The following AFG2A variants were observed in gnomAD, a reference collection of about 807,000 sequenced individuals.
AFG2A encodes the protein ATPase family gene 2 protein homolog A.
chr4:123,291,674 A>C, the AFG2A span, among the ~76,000 whole-genome samples: 13 of 152,204 alleles, frequency 8.5e-5, no homozygotes, highest in Non-Finnish European at 2.9e-5. Context: ...TGAGAAGATT[A>C]AAGATAGGAC....
chr4:123,207,306 T>TG, the AFG2A span, among the ~76,000 whole-genome samples: 2 of 145,278 alleles, frequency 1.4e-5, no homozygotes, highest in Non-Finnish European at 3.0e-5. Flanking sequence ...TTTTTTTTTT[T>TG]GTGAGACACG....
At chr4:122,930,929 T>C in the AFG2A span, among the ~76,000 whole-genome samples, 4 of 111,974 alleles carry the variant, frequency 3.6e-5, no homozygotes, top group Non-Finnish European at 8.6e-5. Context: ...AAATCTTATG[T>C]TTTAAAAAAT....
chr4:122,937,626 TTTG>T, the AFG2A span, among the ~76,000 whole-genome samples: 1 of 152,208 alleles, frequency 6.6e-6, no homozygotes, highest in Non-Finnish European at 1.5e-5. Context: ...TTAGTATGCT[TTTG>T]TTGTTGTTGT....
At chr4:123,213,336 C>G in the AFG2A span, among the ~76,000 whole-genome samples, 2 of 152,056 alleles carry the variant, frequency 1.3e-5, no homozygotes, top group East Asian at 3.8e-4. Context: ...CATACATGCT[C>G]ATGGAAACAC....
the AFG2A span, among the ~76,000 whole-genome samples, chr4:123,141,835 C>T: frequency 6.6e-6 from 1 of 152,072 alleles, no homozygotes; most frequent in African/African-American, 2.4e-5. Flanking sequence ...AGATGATTTG[C>T]AAACATTTTC....
chr4:123,258,428 C>A, the AFG2A span, among the ~76,000 whole-genome samples: 4 of 152,284 alleles, frequency 2.6e-5, no homozygotes, highest in Non-Finnish European at 5.9e-5. Flanking sequence ...ACAGAACCTT[C>A]TACATGGTGT....
At chr4:123,113,841 C>G in the AFG2A span, among the ~76,000 whole-genome samples, 27 of 152,194 alleles carry the variant, frequency 1.8e-4, no homozygotes, top group African/African-American at 6.3e-4. Flanking sequence ...TAGAAAAGCT[C>G]AGAAGAGGCC....
chr4:123,306,392 GC>G, the AFG2A span, among the ~76,000 whole-genome samples: 7 of 152,222 alleles, frequency 4.6e-5, no homozygotes, highest in East Asian at 1.3e-3. Flanking sequence ...TAGTGTCATA[GC>G]CACTGAAACA....
the AFG2A span, among the ~76,000 whole-genome samples, chr4:122,970,116 A>C: frequency 3.3e-5 from 5 of 152,240 alleles, no homozygotes; most frequent in Admixed American, 2.6e-4. Flanking sequence ...TTTGCTCAGC[A>C]CATACTCACT....
At chr4:123,171,012 TAGTG>T in the AFG2A span, among the ~76,000 whole-genome samples, 54 of 152,274 alleles carry the variant, frequency 3.5e-4, no homozygotes, top group African/African-American at 1.3e-3. Flanking sequence ...CATAGTTACT[TAGTG>T]AGTAAGTATT....
At chr4:123,210,277 CTG>C in the AFG2A span, among the ~76,000 whole-genome samples, 47 of 152,324 alleles carry the variant, frequency 3.1e-4, no homozygotes, top group Middle Eastern at 3.4e-3. Flanking sequence ...ATATTGTTAA[CTG>C]TAGTCATCAT....
chr4:122,931,479 C>A, the AFG2A span, among the ~76,000 whole-genome samples: 19 of 152,038 alleles, frequency 1.2e-4, no homozygotes, highest in Non-Finnish European at 1.9e-4. Context: ...ATGCAACACA[C>A]ACAATATATG....
chr4:123,197,660 T>TG, the AFG2A span, among the ~76,000 whole-genome samples: 1 of 151,748 alleles, frequency 6.6e-6, no homozygotes, highest in African/African-American at 2.4e-5. Flanking sequence ...CCCAGCTACT[T>TG]GGGAGGCTGA....
the AFG2A span, among the ~76,000 whole-genome samples, chr4:123,266,213 G>A: frequency 6.6e-6 from 1 of 151,920 alleles, no homozygotes; most frequent in South Asian, 2.1e-4. Flanking sequence ...TTGAATTATG[G>A]TTAAGTACCC....
chr4:122,937,896 C>G, the AFG2A span, among the ~76,000 whole-genome samples: 17 of 151,974 alleles, frequency 1.1e-4, no homozygotes, highest in Admixed American at 7.2e-4. Flanking sequence ...ATACTCTACT[C>G]AATTACCCAG....
chr4:123,238,505 T>A, the AFG2A span, among the ~76,000 whole-genome samples: 6 of 152,208 alleles, frequency 3.9e-5, no homozygotes, highest in East Asian at 1.2e-3. Flanking sequence ...TAATATTTGC[T>A]GCTCGGCAGC....
chr4:123,242,988 A>G, the AFG2A span, among the ~76,000 whole-genome samples: 6 of 152,358 alleles, frequency 3.9e-5, no homozygotes, highest in South Asian at 1.2e-3. Context: ...CAACAGACAC[A>G]TGAAAAAATG....
At chr4:123,148,725 C>T in the AFG2A span, among the ~76,000 whole-genome samples, 11 of 151,306 alleles carry the variant, frequency 7.3e-5, no homozygotes, top group Non-Finnish European at 1.3e-4. Flanking sequence ...CAAAAATTTG[C>T]AACATGATAG....
At chr4:123,296,798 A>G in the AFG2A span, among the ~76,000 whole-genome samples, 1 of 152,192 alleles carries the variant, frequency 6.6e-6, no homozygotes, top group African/African-American at 2.4e-5. Context: ...TCTTTTCCCT[A>G]AGTGTTCACA....
Sources: gnomAD v4.1 joint callset for allele counts (sites outside exome capture counted in the v4.1 genomes callset) on GRCh38, gnomAD v4.1.1 for gene constraint, MANE v1.5 for transcripts, NCBI Gene and HGNC (gene_info 2026-07-23, HGNC 2026-07-21) for gene names.